The following ANKIB1 variants were observed in gnomAD, a reference collection of about 807,000 sequenced individuals.
ANKIB1 encodes the protein ankyrin repeat and IBR domain-containing protein 1.
Under a neutral mutation model 122.1 loss-of-function variants are expected in ANKIB1, and 43 were observed. The observed-to-expected ratio is 0.35, with a 90% confidence interval of 0.28 to 0.45. The LOEUF (loss-of-function observed/expected upper bound fraction) is 0.45. Ranked by LOEUF, ANKIB1 falls within the 20% of genes least tolerant of loss-of-function variation. The pLI is 1.00. For missense variants in ANKIB1, 992 were observed against 1,329.5 expected (o/e 0.75, Z 3.95); for synonymous variants, 390 against 442.0 (o/e 0.88, Z 1.48).
chr7:92,250,455 T>C (rs1403435067), intron 1 of ANKIB1, among the ~76,000 whole-genome samples: 1 of 152,248 alleles, frequency 6.6e-6, no homozygotes, highest in Admixed American at 6.5e-5. Flanking sequence ...TCAGTCATTG[T>C]TTAAACTTTT....
chr7:92,318,074 A>C (rs1292507917), intron 3 of ANKIB1, among the ~76,000 whole-genome samples: 1 of 152,148 alleles, frequency 6.6e-6, no homozygotes, highest in African/African-American at 2.4e-5. Context: ...AATTTTAGTT[A>C]ATCAAGCTAC....
rs182478150 is a variant in ANKIB1 at position 92,391,097 on chromosome 7, T to C, written c.2053-69T>C. The C allele has an allele frequency of 3.9e-4, 526 of 1,361,768 alleles. 4 individuals are homozygous for C. In the African/African-American group the frequency reaches 6.5e-3, roughly 17 times the overall value. The allele number at this position is 1,361,768 out of a possible 1,614,324, so 84.4% of individuals were successfully genotyped here. A position where few individuals can be genotyped will look rare whatever the true frequency, so the allele number is the denominator to read the frequency against. On this transcript the variant is annotated intron_variant, in intron 15 of 19. Transcript: ENST00000265742. ...AGTTAGATTTAACTGAGAAACCACA[T>C]AGACCCTGGATTTGCTATTGATTAA...
intron 5 of ANKIB1, among the ~76,000 whole-genome samples, chr7:92,328,562 C>T (rs1803077717): frequency 6.6e-6 from 1 of 151,830 alleles, no homozygotes; most frequent in Non-Finnish European, 1.5e-5. Context: ...CTTCTCATTG[C>T]CCACATGATA....
intron 1 of ANKIB1, among the ~76,000 whole-genome samples, chr7:92,276,855 G>T (rs1801915876): frequency 6.6e-6 from 1 of 152,200 alleles, no homozygotes; most frequent in South Asian, 2.1e-4. Flanking sequence ...GATATGGTTT[G>T]GATCTGTGTC....
At chr7:92,391,522 G>T (rs368103704) in intron 16 of ANKIB1, among the ~76,000 whole-genome samples, 178 bp downstream of exon 16, 134 of 151,304 alleles carry the variant, frequency 8.9e-4, no homozygotes, top group African/African-American at 3.1e-3. Context: ...TGCTATTTCT[G>T]TTTTTCTTGT....
intron 4 of ANKIB1, chr7:92,319,713 G>A: frequency 1.9e-6 from 1 of 535,838 alleles, no homozygotes; most frequent in Non-Finnish European, 3.1e-6. Flanking sequence ...CAGTGCTTTG[G>A]GAGGCCAAGG....
Position 92,396,457 on chromosome 7 carries a change from G to A in ANKIB1, c.2376G>A (p.Glu792=), listed in dbSNP as rs2115726174. The A allele has an allele frequency of 1.9e-6, 3 of 1,582,894 alleles. No homozygotes were observed. The highest frequency in any genetic ancestry group is 2.3e-5 in the East Asian group (1 of 43,862). ...TCAGTAATCCTCCAGACCCTGATGA[G>A]CCAAGTGAAAGCACTTTAGGTAAGT... ...SLLSNPPDPD[E]PSESTLDIPE... is the part of the protein sequence containing the mutation. Residue 792 remains glutamate (E), a synonymous_variant, in exon 18 of 20, where the codon GAG becomes GAA. Coordinates refer to ENST00000265742, the MANE Select transcript of ANKIB1 (RefSeq NM_019004.2).
At chr7:92,309,940 A>T (rs374516007) in intron 3 of ANKIB1, among the ~76,000 whole-genome samples, 9,418 of 102,954 alleles carry the variant, frequency 0.091, 530 homozygotes, top group Non-Finnish European at 0.12. Flanking sequence ...AAAAAAAAAA[A>T]AAATATATAT....
chr7:92,282,263 C>G (rs1802024540), intron 1 of ANKIB1, among the ~76,000 whole-genome samples: 1 of 152,080 alleles, frequency 6.6e-6, no homozygotes, highest in Non-Finnish European at 1.5e-5. Flanking sequence ...AAGTGATCCT[C>G]TCACCTCAGC....
At chr7:92,322,384 A>G (rs953375827) in intron 4 of ANKIB1, among the ~76,000 whole-genome samples, 3 of 152,178 alleles carry the variant, frequency 2.0e-5, no homozygotes, top group East Asian at 1.9e-4. Flanking sequence ...AGGAAAAACT[A>G]CTATGTACAA....
At chr7:92,253,564 A>G (rs373442246) in intron 1 of ANKIB1, among the ~76,000 whole-genome samples, 2 of 152,224 alleles carry the variant, frequency 1.3e-5, no homozygotes, top group African/African-American at 2.4e-5. Context: ...TCTAATAGTT[A>G]ATTTTTAAAT....
intron 10 of ANKIB1, among the ~76,000 whole-genome samples, chr7:92,365,166 TAG>T (rs1562793718): frequency 6.6e-6 from 1 of 152,208 alleles, no homozygotes; most frequent in Non-Finnish European, 1.5e-5. Flanking sequence ...GTTTATATTT[TAG>T]AGAGGCAACT....
At chr7:92,249,227 T>C (rs974538047) in intron 1 of ANKIB1, among the ~76,000 whole-genome samples, 15 of 152,170 alleles carry the variant, frequency 9.9e-5, no homozygotes, top group African/African-American at 3.6e-4. Context: ...CAGTAAACCT[T>C]TGTTGAGCAT....
At chr7:92,319,292 A>T (rs1802856773) in intron 3 of ANKIB1, 38 bp from the exon 4 acceptor site, 1 of 1,307,382 alleles carries the variant, frequency 7.6e-7, no homozygotes, top group African/African-American at 1.5e-5. Flanking sequence ...ACTTATTTGA[A>T]CCTGTAGTTG....
At chr7:92,333,892 A>G (rs1208103161) in intron 5 of ANKIB1, among the ~76,000 whole-genome samples, 3 of 152,068 alleles carry the variant, frequency 2.0e-5, no homozygotes, top group South Asian at 2.1e-4. Flanking sequence ...TTTGAAAAAT[A>G]ATACTATCCT....
At chr7:92,286,393 T>C (rs1802123554) in intron 1 of ANKIB1, among the ~76,000 whole-genome samples, 1 of 152,192 alleles carries the variant, frequency 6.6e-6, no homozygotes, top group African/African-American at 2.4e-5. Flanking sequence ...GTAAATAGCA[T>C]TGATTTTTCT....
At chr7:92,275,130 C>G (rs78392842) in intron 1 of ANKIB1, among the ~76,000 whole-genome samples, 229 of 152,152 alleles carry the variant, frequency 1.5e-3, no homozygotes, top group African/African-American at 5.5e-3. Context: ...TATTTGTTTT[C>G]CAGTTTTCAA....
At chr7:92,373,483 G>A (rs1223780877) in intron 11 of ANKIB1, among the ~76,000 whole-genome samples, 4 of 152,090 alleles carry the variant, frequency 2.6e-5, no homozygotes, top group African/African-American at 7.2e-5. Flanking sequence ...AGCTTCTGTT[G>A]CATTGAAAAG....
intron 8 of ANKIB1, among the ~76,000 whole-genome samples, chr7:92,352,149 C>T (rs189795998): frequency 4.3e-4 from 65 of 152,278 alleles, no homozygotes; most frequent in Admixed American, 1.1e-3. Flanking sequence ...AAAAGTGACA[C>T]ATTGTATGAG....
Sources: allele counts gnomAD v4.1 joint callset (sites outside exome capture counted in the v4.1 genomes callset), GRCh38; gene constraint gnomAD v4.1.1; transcripts MANE v1.5; gene names NCBI Gene and HGNC (gene_info 2026-07-23, HGNC 2026-07-21).